The following OSR2 variants were observed in gnomAD, a reference collection of about 807,000 sequenced individuals.
OSR2 encodes the protein protein odd-skipped-related 2.
In OSR2, 8 loss-of-function variants were observed where a neutral mutation model predicts 22.3. The ratio of observed to expected loss-of-function variants is 0.36; its 90% confidence interval spans 0.21 to 0.65. The LOEUF (loss-of-function observed/expected upper bound fraction) is 0.65, where lower values mean the gene tolerates loss of function less well. OSR2 is among the 30% of genes least tolerant of loss of function. The probability of loss-of-function intolerance (pLI) is 0.66; values close to 1 mark genes in which losing one functional copy is unlikely to be tolerated. For missense variants in OSR2, 311 were observed against 413.4 expected, an observed-to-expected ratio of 0.75 and a Z score of 2.15; for synonymous variants, 179 against 173.8, an observed-to-expected ratio of 1.03 and a Z score of -0.23.
chr8:98,949,742 C>A lies in OSR2; in HGVS notation c.656+134C>A. 1 of 1,089,822 alleles carries A rather than the reference C, an allele frequency of 9.2e-7. No homozygotes were observed. The highest frequency in any genetic ancestry group is 1.3e-6 in the Non-Finnish European group (1 of 769,686). 67.5% of individuals were successfully genotyped at this position (1,089,822 alleles called of 1,614,324 possible). A position where few individuals can be genotyped will look rare whatever the true frequency, so the allele number is the denominator to read the frequency against. ...TACACCCTCAGTCACGCTCCTCAGC[C>A]CGGTTCAGCTAATTCCCAACATCTA... On this transcript the variant is annotated intron_variant, in intron 2 of 3. Transcript: ENST00000297565. This position sits in a 1 kb window ranked among gnomAD's most constrained non-coding sequence, Gnocchi z 5.9.
In OSR2 at chr8:98,948,394, G is replaced by A. The variant is rs960979523; in HGVS notation, c.-114-445G>A. The A allele has an allele frequency of 2.8e-6, 4 of 1,448,206 alleles. No homozygotes were observed. The highest frequency in any genetic ancestry group is 9.1e-7 in the Non-Finnish European group (1 of 1,103,744). The allele number at this position is 1,448,206 out of a possible 1,614,324, so 89.7% of individuals were successfully genotyped here. On this transcript the variant is annotated intron_variant, in intron 1 of 3. Coordinates refer to ENST00000297565, the MANE Select transcript of OSR2 (RefSeq NM_001142462.3). This position sits in a 1 kb window ranked among gnomAD's most constrained non-coding sequence, Gnocchi z 6.0. Reference sequence around the variant, plus strand: ...CCCATCCGTTAACCCACCGTTCCCAGGAGCTCCGAGGCGCAGCGGCGACAG... The same window carrying A: ...CCCATCCGTTAACCCACCGTTCCCAAGAGCTCCGAGGCGCAGCGGCGACAG...
intron 3 of OSR2, chr8:98,951,094 C>G: frequency 1.9e-6 from 1 of 515,682 alleles, no homozygotes; most frequent in Non-Finnish European, 3.4e-6. Context: ...CATACGTTCT[C>G]TTTCCCAAGG....
Position 98,950,603 on chromosome 8 carries a change from A to G in OSR2, c.657-53A>G, listed in dbSNP as rs537124580. 34 of 1,127,214 alleles carry G rather than the reference A, an allele frequency of 3.0e-5. No homozygotes were observed. In the East Asian group the frequency reaches 7.1e-4, roughly 23 times the overall value. 69.8% of individuals were successfully genotyped at this position (1,127,214 alleles called of 1,614,324 possible). ...TCCTTTTAAGTAATTGCTAAAAGTA[A>G]CTCTTCACCATGGGGCAAAGTTATT... is the stretch of plus-strand genomic sequence containing the variant. On this transcript the variant is annotated intron_variant, in intron 2 of 3. Transcript: ENST00000297565.
In OSR2 at chr8:98,950,676, A is replaced by C. The variant is rs576616277; in HGVS notation, c.677A>C (p.Lys226Thr). 1 of 1,612,372 alleles carries C rather than the reference A, an allele frequency of 6.2e-7. No homozygotes were observed. Among genetic ancestry groups the C allele is most frequent in the East Asian group, 2.2e-5 (1 of 44,816 alleles). Residue 226 changes from lysine (K) to threonine (T), a missense_variant, in exon 3 of 4, where the codon AAA (lysine) becomes ACA (threonine). Transcript: ENST00000297565. ...TTCAGATACATCCATTCCAAAGAAA[A>C]ACCCTTCAAATGTCAGGAGTGTGGG... ...RDHRYIHSKE[K>T]PFKCQECGKG... is the part of the protein sequence containing the mutation.
Position 98,951,705 on chromosome 8 carries a change from A to G in OSR2, c.*4A>G. The G allele has an allele frequency of 6.2e-7, 1 of 1,610,474 alleles. No homozygotes were observed. Among genetic ancestry groups the G allele is most frequent in the Non-Finnish European group, 8.5e-7 (1 of 1,178,562 alleles). On this transcript the variant is annotated 3_prime_UTR_variant, in exon 4 of 4. Coordinates refer to ENST00000297565, the MANE Select transcript of OSR2 (RefSeq NM_001142462.3). The stretch of plus-strand genomic sequence containing the variant: ...CACCCCGCGGCAGGACTTCTAGAGA[A>G]GCCCAGGATCTGTCCCGTGCCGCCG...
chr8:98,948,842 T>G lies in OSR2; in HGVS notation c.-111T>G. 6.3e-7 allele frequency: 1 copy of G among 1,593,708 alleles called. No homozygotes were observed. The highest frequency in any genetic ancestry group is 1.1e-5 in the South Asian group (1 of 89,366). On this transcript the variant is annotated 5_prime_UTR_variant, in exon 2 of 4. Coordinates refer to ENST00000297565, the MANE Select transcript of OSR2 (RefSeq NM_001142462.3). The surrounding 1 kb of genome is among the most constrained non-coding windows in gnomAD (Gnocchi z 6.0). ...CTCTCTTCCCTGCCATTTTTAGGGCTTTCTCTACGTGCTGTTGTCTCACTG... is the reference window on the plus strand; with the variant it reads ...CTCTCTTCCCTGCCATTTTTAGGGCGTTCTCTACGTGCTGTTGTCTCACTG...
Position 98,949,042 on chromosome 8 carries a change from C to G in OSR2, c.90C>G (p.Phe30Leu), listed in dbSNP as rs1395100653. Residue 30 changes from phenylalanine to leucine, a missense_variant, in exon 2 of 4, where the codon TTC becomes TTG. Physicochemically the swap from Phe to Leu is conservative, Grantham distance 22. Around this residue, in one of 5 missense-constraint regions of OSR2, gnomAD observed 146 missense variants for 160.5 expected, o/e 0.91. Transcript: ENST00000297565. The surrounding 1 kb of genome is among the most constrained non-coding windows in gnomAD (Gnocchi z 5.9). Reference sequence around the variant, plus strand: ...CCTTCCTGCAGGCCGTGAACACCTTCCCGGCCACGGTGGACCACCTGCAGG... The same window carrying G: ...CCTTCCTGCAGGCCGTGAACACCTTGCCGGCCACGGTGGACCACCTGCAGG... Reference protein sequence around the residue: ...NYSFLQAVNTFPATVDHLQGL... With the variant: ...NYSFLQAVNTLPATVDHLQGL... 1 of 1,613,874 alleles carries G rather than the reference C, an allele frequency of 6.2e-7. No individual in the cohort carries two copies. Among genetic ancestry groups the G allele is most frequent in the Non-Finnish European group, 8.5e-7 (1 of 1,179,914 alleles).
Position 98,948,564 on chromosome 8 carries a change from TC to T in OSR2, c.-114-273del. On this transcript the variant is annotated intron_variant, in intron 1 of 3. Coordinates refer to ENST00000297565, the MANE Select transcript of OSR2 (RefSeq NM_001142462.3). This position sits in a 1 kb window ranked among gnomAD's most constrained non-coding sequence, Gnocchi z 6.0. ...TCGTTTTCCTGGGACCGAGGAGTCT[TC>T]CGCTCCGTATCTGCCTAGAGTCTGA... 2 of 1,190,484 alleles carry T rather than the reference TC, an allele frequency of 1.7e-6. No homozygotes were observed. Among genetic ancestry groups the T allele is most frequent in the South Asian group, 3.3e-5 (2 of 60,732 alleles). The allele number at this position is 1,190,484 out of a possible 1,614,324, so 73.7% of individuals were successfully genotyped here.
At chr8:98,950,348 T>G (rs1041326427) in intron 2 of OSR2, among the ~76,000 whole-genome samples, 4 of 152,108 alleles carry the variant, frequency 2.6e-5, no homozygotes, top group Non-Finnish European at 5.9e-5. Context: ...ACATCCTGAT[T>G]TGGCCAATTT....
chr8:98,948,847 C>T lies in OSR2; in HGVS notation c.-106C>T. Reference sequence around the variant, plus strand: ...TTCCCTGCCATTTTTAGGGCTTTCTCTACGTGCTGTTGTCTCACTGGGTTT... The same window carrying T: ...TTCCCTGCCATTTTTAGGGCTTTCTTTACGTGCTGTTGTCTCACTGGGTTT... On this transcript the variant is annotated 5_prime_UTR_variant, in exon 2 of 4. Coordinates refer to ENST00000297565, the MANE Select transcript of OSR2 (RefSeq NM_001142462.3). This position sits in a 1 kb window ranked among gnomAD's most constrained non-coding sequence, Gnocchi z 6.0. 1 of 1,600,208 alleles carries T rather than the reference C, an allele frequency of 6.2e-7. No individual in the cohort carries two copies. The highest frequency in any genetic ancestry group is 8.5e-7 in the Non-Finnish European group (1 of 1,174,582).
chr8:98,948,153 C>A lies in OSR2; in HGVS notation c.-114-686C>A, dbSNP rs1401359633. Reference sequence around the variant, plus strand: ...CCTGAGGTGTCACTTTTCTTTCCTGCGGCCCGTCACCGCTGATAGATGGGG... The same window carrying A: ...CCTGAGGTGTCACTTTTCTTTCCTGAGGCCCGTCACCGCTGATAGATGGGG... On this transcript the variant is annotated intron_variant, in intron 1 of 3. Transcript: ENST00000297565. This position sits in a 1 kb window ranked among gnomAD's most constrained non-coding sequence, Gnocchi z 6.0. The A allele has an allele frequency of 3.6e-6, 5 of 1,381,052 alleles. No individual in the cohort carries two copies. The highest frequency in any genetic ancestry group is 1.7e-5 in the South Asian group (1 of 60,452). 85.5% of individuals were successfully genotyped at this position (1,381,052 alleles called of 1,614,324 possible).
chr8:98,951,553 C>T lies in OSR2; in HGVS notation c.791C>T (p.Thr264Ile), dbSNP rs371504561. The T allele has an allele frequency of 1.2e-6, 2 of 1,608,576 alleles. No homozygotes were observed. The highest frequency in any genetic ancestry group is 1.3e-5 in the African/African-American group (1 of 74,820). ...CACAAATGTCCCACATGTGGAAGAA[C>T]CTTTAATCAGAGAAGTAATCTGAAA... Reference protein sequence around the residue: ...SPHKCPTCGRTFNQRSNLKTH... With the variant: ...SPHKCPTCGRIFNQRSNLKTH... The change falls in exon 4 of 4, where the codon ACC becomes ATC. Residue 264 changes from threonine (T) to isoleucine (I), a missense_variant. This residue lies in a region of OSR2 where 70 missense variants were observed against 84.5 expected (regional missense o/e 0.83). Coordinates refer to ENST00000297565, the MANE Select transcript of OSR2 (RefSeq NM_001142462.3).
Position 98,949,725 on chromosome 8 carries a change from C to G in OSR2, c.656+117C>G. The G allele has an allele frequency of 8.2e-7, 1 of 1,225,392 alleles. No individual in the cohort carries two copies. The highest frequency in any genetic ancestry group is 1.5e-5 in the South Asian group (1 of 65,746). 75.9% of individuals were successfully genotyped at this position (1,225,392 alleles called of 1,614,324 possible). A position where few individuals can be genotyped will look rare whatever the true frequency, so the allele number is the denominator to read the frequency against. ...TCCCCTGTGATCTAAAATACACCCT[C>G]AGTCACGCTCCTCAGCCCGGTTCAG... On this transcript the variant is annotated intron_variant, in intron 2 of 3. Transcript: ENST00000297565. The surrounding 1 kb of genome is among the most constrained non-coding windows in gnomAD (Gnocchi z 5.9).
intron 3 of OSR2, 159 bp downstream of exon 3, chr8:98,950,914 T>A (rs1240100963): frequency 1.5e-6 from 1 of 653,356 alleles, no homozygotes; most frequent in African/African-American, 1.8e-5. Flanking sequence ...ATACATAAAA[T>A]TAATCTTGTT....
At chr8:98,950,885 G>A in intron 3 of OSR2, 130 bp downstream of exon 3, 3 of 696,778 alleles carry the variant, frequency 4.3e-6, no homozygotes, top group African/African-American at 1.8e-5. Flanking sequence ...GTGGGGAAAA[G>A]CAACACTTGA....
Position 98,948,387 on chromosome 8 carries a change from G to C in OSR2, c.-114-452G>C. 2 of 1,465,998 alleles carry C rather than the reference G, an allele frequency of 1.4e-6. No homozygotes were observed. Among genetic ancestry groups the C allele is most frequent in the Non-Finnish European group, 1.8e-6 (2 of 1,111,978 alleles). 90.8% of individuals were successfully genotyped at this position (1,465,998 alleles called of 1,614,324 possible). The stretch of plus-strand genomic sequence containing the variant: ...CTCACGACCCATCCGTTAACCCACC[G>C]TTCCCAGGAGCTCCGAGGCGCAGCG... On this transcript the variant is annotated intron_variant, in intron 1 of 3. Transcript: ENST00000297565. This position sits in a 1 kb window ranked among gnomAD's most constrained non-coding sequence, Gnocchi z 6.0.
At position 98,949,845 on chromosome 8, in the gene OSR2, A is replaced by G. The variant is rs917603848; in HGVS notation, c.656+237A>G. The stretch of plus-strand genomic sequence containing the variant: ...GGCCTTTCCTCAGTCTTGGACAGGA[A>G]CAATCTGTTGGCCTTAGTCCTGGGA... On this transcript the variant is annotated intron_variant, in intron 2 of 3. Transcript: ENST00000297565. The surrounding 1 kb of genome is among the most constrained non-coding windows in gnomAD (Gnocchi z 5.9). Among the ~76,000 whole-genome samples the G allele has an allele frequency of 3.3e-5, 5 of 152,170 alleles. No individual in the cohort carries two copies. The highest frequency in any genetic ancestry group is 1.2e-4 in the African/African-American group (5 of 41,434).
rs750082371 is a variant in OSR2, at chr8:98,949,127, C to G, written c.175C>G (p.Pro59Ala). ...CATGAACCACTGGACGCTGGGGTAT[C>G]CCAATGTGCACGAGATCACCCGCTC... is the stretch of plus-strand genomic sequence containing the variant. The part of the protein sequence containing the change: ...MHMNHWTLGY[P>A]NVHEITRSTI... Residue 59 changes from proline to alanine, a missense_variant, in exon 2 of 4, where the codon CCC (proline) becomes GCC (alanine). Physicochemically the swap from Pro to Ala is conservative, Grantham distance 27. Coordinates refer to ENST00000297565, the MANE Select transcript of OSR2 (RefSeq NM_001142462.3). The surrounding 1 kb of genome is among the most constrained non-coding windows in gnomAD (Gnocchi z 5.9). The G allele has an allele frequency of 5.6e-6, 9 of 1,613,580 alleles. No individual in the cohort carries two copies. The East Asian group carries it at 2.0e-4, about 36-fold the overall frequency.
chr8:98,945,296 A>G (rs1252025905), intron 1 of OSR2, among the ~76,000 whole-genome samples: 1 of 152,212 alleles, frequency 6.6e-6, no homozygotes, highest in Non-Finnish European at 1.5e-5. Context: ...TAATTTGTCA[A>G]CCTCGTGCTG....
Sources: allele counts gnomAD v4.1 joint callset (sites outside exome capture counted in the v4.1 genomes callset), GRCh38; gene constraint gnomAD v4.1.1; regional missense constraint gnomAD v4.1.1; non-coding constraint Gnocchi (gnomAD v3.1); transcripts MANE v1.5; gene names NCBI Gene and HGNC (gene_info 2026-07-23, HGNC 2026-07-21).